The following CDK5RAP1 variants were observed in gnomAD, a reference collection of about 807,000 sequenced individuals.
CDK5RAP1 encodes mitochondrial tRNA methylthiotransferase CDK5RAP1.
A neutral mutation model predicts 64.5 loss-of-function variants in CDK5RAP1; 62 were observed. The ratio of observed to expected loss-of-function variants is 0.96; its 90% CI spans 0.78 to 1.19. The LOEUF is 1.19. Among genes scored for constraint, CDK5RAP1 ranks in the 50% most tolerant of loss-of-function variants. The pLI is 0.00. For missense variants in CDK5RAP1, 657 were observed against 735.0 expected (o/e 0.89, Z 1.23); for synonymous variants, 250 against 261.9 (o/e 0.95, Z 0.44).
intron 11 of CDK5RAP1, 34 bp from the exon 12 acceptor site, chr20:33,367,042 G>A (rs748463822): frequency 5.0e-6 from 8 of 1,588,686 alleles, no homozygotes; most frequent in Non-Finnish European, 6.0e-6. Context: ...GAAGATGGAG[G>A]TCACCAAGGA....
chr20:33,373,594 T>G (rs1985475463), intron 9 of CDK5RAP1: 1 of 153,222 alleles, frequency 6.5e-6, no homozygotes, highest in African/African-American at 2.4e-5. Flanking sequence ...TTGGGACAGA[T>G]TCTCCCTTCA....
At position 33,374,177 on chromosome 20, in the gene CDK5RAP1, A is replaced by G; in HGVS notation, c.1143T>C (p.Cys381=). ...LQLIHERDNI[C]KQIHLPAQSG... The stretch of plus-strand genomic sequence containing the variant: ...TCTGGGCTGGCAGGTGGATCTGTTT[A>G]CAGATGTTATCTCTCTCATGAATCA... The change falls in exon 9 of 14, where the codon TGT becomes TGC. Residue 381 remains cysteine (C), a synonymous_variant. Coordinates refer to ENST00000346416, the MANE Select transcript of CDK5RAP1 (RefSeq NM_016408.4). 1 of 1,613,932 alleles carries G rather than the reference A, an allele frequency of 6.2e-7. No homozygotes were observed. Among genetic ancestry groups the G allele is most frequent in the South Asian group, 1.1e-5 (1 of 91,076 alleles).
At position 33,379,582 on chromosome 20, in the gene CDK5RAP1, G is replaced by A. The variant is rs1986487302; in HGVS notation, c.986C>T (p.Thr329Ile). 3 of 1,613,972 alleles carry A rather than the reference G, an allele frequency of 1.9e-6. No homozygotes were observed. In the Admixed American group the frequency reaches 5.0e-5, roughly 27 times the overall value. Residue 329 changes from threonine to isoleucine, a missense_variant, in exon 8 of 14, where the codon ACC (threonine) becomes ATC (isoleucine). Thr to Ile is a moderately conservative substitution (Grantham distance 89, BLOSUM62 -1). Coordinates refer to ENST00000346416, the MANE Select transcript of CDK5RAP1 (RefSeq NM_016408.4). ...VPTNLSRGFT[T>I]NYKTKQGGLR... ...TCCTCCTTGCTTGGTTTTATAGTTG[G>A]TGGTAAAGCCACGACTGAGATTGGT... is the stretch of plus-strand genomic sequence containing the variant.
At chr20:33,400,092 C>A (rs1337050432) in intron 1 of CDK5RAP1, among the ~76,000 whole-genome samples, 1 of 152,174 alleles carries the variant, frequency 6.6e-6, no homozygotes, top group South Asian at 2.1e-4. Flanking sequence ...CTTGCATATA[C>A]GCAGTTCACA....
chr20:33,379,358 C>A (rs904089762), intron 8 of CDK5RAP1, 103 bp downstream of exon 8: 35 of 752,100 alleles, frequency 4.7e-5, no homozygotes, highest in Non-Finnish European at 7.4e-5. Context: ...CCCACAGGAT[C>A]CCTAAGCAGG....
At chr20:33,361,915 C>G (rs1364625675) in intron 12 of CDK5RAP1, among the ~76,000 whole-genome samples, 1 of 139,850 alleles carries the variant, frequency 7.2e-6, no homozygotes, top group Admixed American at 7.7e-5. Context: ...GAGATCACGC[C>G]ACTGCACTCC....
intron 5 of CDK5RAP1, among the ~76,000 whole-genome samples, chr20:33,388,696 C>T (rs1053066759): frequency 1.3e-4 from 20 of 151,924 alleles, no homozygotes; most frequent in Admixed American, 1.0e-3. Context: ...ACTGTGCTGC[C>T]GCCATCTCTG....
chr20:33,397,672 T>C (rs1223939427), intron 1 of CDK5RAP1, among the ~76,000 whole-genome samples: 1 of 152,248 alleles, frequency 6.6e-6, no homozygotes, highest in Non-Finnish European at 1.5e-5. Context: ...GGGCATTGTA[T>C]GCCCGATCAG....
chr20:33,397,200 T>C, intron 1 of CDK5RAP1, 116 bp from the exon 2 acceptor site: 1 of 692,992 alleles, frequency 1.4e-6, no homozygotes, highest in Middle Eastern at 4.2e-4. Context: ...ATGAAGAAGG[T>C]ACTCCTAATA....
chr20:33,383,202 A>G lies in CDK5RAP1; in HGVS notation c.876+2448T>C, dbSNP rs549115884. Among the ~76,000 whole-genome samples, 300 of 152,190 alleles carry G rather than the reference A, an allele frequency of 2.0e-3. 3 individuals are homozygous for G. Among genetic ancestry groups the G allele is most frequent in the African/African-American group, 6.9e-3 (285 of 41,558 alleles). ...ATCTCAAAAATAAATAAATAAATAA[A>G]TAATAAAAAGATTTTTAAATGTTTA... On this transcript the variant is annotated intron_variant, in intron 7 of 13. Transcript: ENST00000346416.
intron 1 of CDK5RAP1, among the ~76,000 whole-genome samples, chr20:33,397,997 A>C (rs1989057589): frequency 6.7e-6 from 1 of 148,702 alleles, no homozygotes; most frequent in African/African-American, 2.5e-5. Flanking sequence ...ATCTCAAAAC[A>C]AAAAAAAAAG....
intron 1 of CDK5RAP1, 80 bp from the exon 2 acceptor site, chr20:33,397,164 C>T: frequency 1.0e-6 from 1 of 990,994 alleles, no homozygotes; most frequent in Non-Finnish European, 1.5e-6. Context: ...CAAGTGTATA[C>T]ATCTATTTAC....
At position 33,394,054 on chromosome 20, in the gene CDK5RAP1, G is replaced by C; in HGVS notation, c.421C>G (p.Leu141Val). The stretch of plus-strand genomic sequence containing the variant: ...CACCTGATAGAGCATGTGACAAGGA[G>C]AATCACATCTGCCTGAATGGAAAGA... ...TSNLQEADVI[L>V]LVTCSIREKA... is the part of the protein sequence containing the mutation. The change falls in exon 4 of 14, where the codon CTC (leucine) becomes GTC (valine). Residue 141 changes from leucine (L) to valine (V), a missense_variant. By Grantham distance (32) the Leu-to-Val change is conservative. Coordinates refer to ENST00000346416, the MANE Select transcript of CDK5RAP1 (RefSeq NM_016408.4). 1 of 1,596,298 alleles carries C rather than the reference G, an allele frequency of 6.3e-7. No individual in the cohort carries two copies. The highest frequency in any genetic ancestry group is 8.6e-7 in the Non-Finnish European group (1 of 1,163,784).
intron 5 of CDK5RAP1, among the ~76,000 whole-genome samples, chr20:33,389,373 A>AGCCCCTCCGC (rs1289175496): frequency 3.2e-4 from 48 of 149,420 alleles, no homozygotes; most frequent in Non-Finnish European, 4.0e-4. Context: ...AGAAGTGAGG[A>AGCCCCTCCGC]GCCCCTCCGC....
At chr20:33,385,571 C>A in intron 7 of CDK5RAP1, 79 bp downstream of exon 7, 1 of 1,538,686 alleles carries the variant, frequency 6.5e-7, no homozygotes, top group African/African-American at 1.4e-5. Context: ...TCAGAGACAG[C>A]ATAGGCTCAA....
chr20:33,392,181 G>A lies in CDK5RAP1; in HGVS notation c.505C>T (p.Arg169Trp), dbSNP rs140768425. 49 of 1,613,358 alleles carry A rather than the reference G, an allele frequency of 3.0e-5. No individual in the cohort carries two copies. The highest frequency in any genetic ancestry group is 2.0e-4 in the African/African-American group (15 of 74,898). Residue 169 changes from arginine to tryptophan, a missense_variant, in exon 5 of 14, where the codon CGG (arginine) becomes TGG (tryptophan). Coordinates refer to ENST00000346416, the MANE Select transcript of CDK5RAP1 (RefSeq NM_016408.4). ...CTCAGAGGAACCCGGGAGCGGGGCC[G>A]CCTTGTCTTCAAGGCTTTAAGCTGA... Reference protein sequence around the residue: ...LHQLKALKTRRPRSRVPLRIG... With the variant: ...LHQLKALKTRWPRSRVPLRIG...
rs1011524292 is a variant in CDK5RAP1, at chr20:33,364,345, C to T, written c.1542+2514G>A. Among the ~76,000 whole-genome samples the T allele has an allele frequency of 2.6e-5, 4 of 151,696 alleles. No individual in the cohort carries two copies. The South Asian group carries it at 6.2e-4, about 24-fold the overall frequency. ...CTGGGATTACAGGTGCCTGCCACCA[C>T]ACTTGGCTAATTTTTGTATTTTTAG... On this transcript the variant is annotated intron_variant, in intron 12 of 13. Coordinates refer to ENST00000346416, the MANE Select transcript of CDK5RAP1 (RefSeq NM_016408.4).
At chr20:33,380,395 T>C (rs1986589475) in intron 7 of CDK5RAP1, among the ~76,000 whole-genome samples, 1 of 152,062 alleles carries the variant, frequency 6.6e-6, no homozygotes, top group Admixed American at 6.6e-5. Flanking sequence ...AGAGATGGGA[T>C]TTCACCATGT....
intron 3 of CDK5RAP1, among the ~76,000 whole-genome samples, chr20:33,394,366 G>C (rs1370908468): frequency 6.6e-6 from 1 of 151,658 alleles, no homozygotes; most frequent in Non-Finnish European, 1.5e-5. Context: ...TAGCCAAGCT[G>C]GTCTCGAACT....
Sources: allele counts gnomAD v4.1 joint callset (sites outside exome capture counted in the v4.1 genomes callset), GRCh38; gene constraint gnomAD v4.1.1; transcripts MANE v1.5; gene names NCBI Gene and HGNC (gene_info 2026-07-23, HGNC 2026-07-21).